The following C5orf34 variants were observed in gnomAD, a reference collection of about 807,000 sequenced individuals.
C5orf34 encodes chromosome 5 open reading frame 34, also known as uncharacterized protein C5orf34.
Under a neutral mutation model 78.4 loss-of-function variants are expected in C5orf34, and 73 were observed. The ratio of observed to expected loss-of-function variants is 0.93; its 90% CI spans 0.77 to 1.13. C5orf34 has a LOEUF of 1.13. Ranked by LOEUF, C5orf34 falls within the 50% of genes most tolerant of loss-of-function variation. The pLI is 0.00. For missense variants in C5orf34, 730 were observed against 732.7 expected, an observed-to-expected ratio of 1.00 and a Z score of 0.04; for synonymous variants, 251 against 246.6, an observed-to-expected ratio of 1.02 and a Z score of -0.17.
intron 6 of C5orf34, 81 bp downstream of exon 6, chr5:43,502,291 A>T: frequency 6.9e-7 from 1 of 1,454,402 alleles, no homozygotes; most frequent in Non-Finnish European, 9.5e-7. Flanking sequence ...ATAATGACCA[A>T]ATTTCCCATA....
At position 43,511,452 on chromosome 5, in the gene C5orf34, G is replaced by A. The variant is rs566041900; in HGVS notation, c.-36-2077C>T. ...CCGGCCGCCGCCCCAACCGGGAGGT[G>A]GGGGGCGCCTCTGCCTGGCCGCCCC... On this transcript the variant is annotated intron_variant, in intron 1 of 12. Coordinates refer to ENST00000306862, the MANE Select transcript of C5orf34 (RefSeq NM_198566.4). 8.6e-5 allele frequency among the ~76,000 whole-genome samples: 13 copies of A among 150,510 alleles called. No individual in the cohort carries two copies. In the East Asian group the frequency reaches 2.3e-3, roughly 27 times the overall value.
At position 43,506,391 on chromosome 5, in the gene C5orf34, T is replaced by C. The variant is rs1745988801; in HGVS notation, c.289A>G (p.Ile97Val). ...TIIPSERKKH[I>V]FIDITEVRWP... ...CTCACTTCTGTTATGTCAATGAAGATATGCTGCAAGGAGAGGGGAAAAGAG... is the reference window on the plus strand; with the variant it reads ...CTCACTTCTGTTATGTCAATGAAGACATGCTGCAAGGAGAGGGGAAAAGAG... Residue 97 changes from isoleucine (I) to valine (V), a missense_variant, in exon 4 of 13, where the codon ATC becomes GTC. By Grantham distance (29) the Ile-to-Val change is conservative. Coordinates refer to ENST00000306862, the MANE Select transcript of C5orf34 (RefSeq NM_198566.4). The C allele has an allele frequency of 6.3e-7, 1 of 1,595,758 alleles. No individual in the cohort carries two copies. The highest frequency in any genetic ancestry group is 8.5e-7 in the Non-Finnish European group (1 of 1,170,656).
chr5:43,492,434 TG>T, intron 9 of C5orf34, 125 bp from the exon 10 acceptor site: 1 of 685,488 alleles, frequency 1.5e-6, no homozygotes, highest in Non-Finnish European at 2.5e-6. Context: ...ACAGTTTAAA[TG>T]TTGTTTACAT....
At chr5:43,497,821 A>G (rs1579864456) in intron 6 of C5orf34, among the ~76,000 whole-genome samples, 2 of 152,252 alleles carry the variant, frequency 1.3e-5, no homozygotes, top group African/African-American at 4.8e-5. Flanking sequence ...ACACCTCAAC[A>G]TCACCATGTT....
rs183073960 is a variant in C5orf34 at position 43,496,410 on chromosome 5, G to A, written c.1153-1809C>T. On this transcript the variant is annotated intron_variant, in intron 6 of 12. Transcript: ENST00000306862. ...TAGTGGTGGACTTGCCCGAATTTAC[G>A]TGTCCAATGACGACAATGTTGATAT... 76 of 1,595,234 alleles carry A rather than the reference G, an allele frequency of 4.8e-5. No homozygotes were observed. The Admixed American group carries it at 4.8e-4, about 10-fold the overall frequency.
intron 4 of C5orf34, among the ~76,000 whole-genome samples, chr5:43,504,693 G>A (rs1252440334): frequency 6.6e-6 from 1 of 152,186 alleles, no homozygotes; most frequent in Non-Finnish European, 1.5e-5. Context: ...AGAGTAGTGA[G>A]AGAGTTGAGG....
In C5orf34 at chr5:43,486,867, G is replaced by C; in HGVS notation, c.*48C>G. On this transcript the variant is annotated 3_prime_UTR_variant, in exon 13 of 13. Coordinates refer to ENST00000306862, the MANE Select transcript of C5orf34 (RefSeq NM_198566.4). The stretch of plus-strand genomic sequence containing the variant: ...ACTAGTAATTTTATACCAGTCACTT[G>C]AAACAACATCCTTAAACTTTAATAA... 2 of 1,229,020 alleles carry C rather than the reference G, an allele frequency of 1.6e-6. No individual in the cohort carries two copies. The highest frequency in any genetic ancestry group is 2.2e-6 in the Non-Finnish European group (2 of 912,260). 76.1% of individuals were successfully genotyped at this position (1,229,020 alleles called of 1,614,324 possible).
chr5:43,511,401 G>A (rs532951662), intron 1 of C5orf34: 1,836 of 156,446 alleles, frequency 0.012, 34 homozygotes, highest in African/African-American at 0.043. Flanking sequence ...CGCTCCGTCC[G>A]GGAGGGAGGT....
intron 3 of C5orf34, 93 bp downstream of exon 3, chr5:43,508,484 C>T: frequency 1.4e-6 from 1 of 729,992 alleles, no homozygotes; most frequent in South Asian, 1.7e-5. Context: ...CCCCAGGTGT[C>T]CTGAAAAGGA....
At chr5:43,502,883 A>G (rs1485300949) in intron 5 of C5orf34, among the ~76,000 whole-genome samples, 1 of 152,240 alleles carries the variant, frequency 6.6e-6, no homozygotes, top group African/African-American at 2.4e-5. Flanking sequence ...AACTAGCGGA[A>G]TCAATACTTT....
intron 11 of C5orf34, 95 bp from the exon 12 acceptor site, chr5:43,488,044 A>C: frequency 1.1e-6 from 1 of 881,334 alleles, no homozygotes; most frequent in East Asian, 2.6e-5. Flanking sequence ...TTTTCATTAG[A>C]ATTTTAAACG....
At chr5:43,510,446 C>G (rs141349269) in intron 1 of C5orf34, among the ~76,000 whole-genome samples, 6 of 152,068 alleles carry the variant, frequency 3.9e-5, no homozygotes, top group East Asian at 3.9e-4. Flanking sequence ...CCTCTCCCCA[C>G]GGTCTCCCTC....
At chr5:43,510,521 G>A (rs867871106) in intron 1 of C5orf34, among the ~76,000 whole-genome samples, 5 of 152,126 alleles carry the variant, frequency 3.3e-5, no homozygotes, top group Non-Finnish European at 5.9e-5. Context: ...CTGCCATCTC[G>A]GCTCACTGCA....
intron 3 of C5orf34, 110 bp downstream of exon 3, chr5:43,508,467 A>G: frequency 1.6e-6 from 1 of 639,172 alleles, no homozygotes; most frequent in Non-Finnish European, 2.8e-6. Flanking sequence ...GTTTTATAGC[A>G]ATGTATCCCC....
chr5:43,505,699 G>A (rs959108527), intron 4 of C5orf34, 49 bp downstream of exon 4: 12 of 1,492,472 alleles, frequency 8.0e-6, no homozygotes, highest in Non-Finnish European at 9.8e-6. Context: ...TCCAGGTTAA[G>A]ACTGGTTCTG....
rs755700698 is a variant in C5orf34 at position 43,506,202 on chromosome 5, C to T, written c.478G>A (p.Val160Met). 17 of 1,614,070 alleles carry T rather than the reference C, an allele frequency of 1.1e-5. No individual in the cohort carries two copies. The South Asian group carries it at 1.3e-4, about 13-fold the overall frequency. The change falls in exon 4 of 13, where the codon GTG (valine) becomes ATG (methionine). Residue 160 changes from valine (V) to methionine (M), a missense_variant. Transcript: ENST00000306862. ...KVSQKSDSSA[V>M]LSETNNKAPK... ...GCTTTATTATTTGTTTCTGACAACACTGCAGATGAGTCTGACTTCTGGCTA... is the reference window on the plus strand; with the variant it reads ...GCTTTATTATTTGTTTCTGACAACATTGCAGATGAGTCTGACTTCTGGCTA...
At chr5:43,494,381 G>T (rs557197366) in intron 7 of C5orf34, 129 bp downstream of exon 7, 5 of 495,662 alleles carry the variant, frequency 1.0e-5, no homozygotes, top group South Asian at 5.9e-5. Flanking sequence ...CAAAAAAGTT[G>T]ACAAATTTTA....
At chr5:43,491,580 TTA>T (rs34724911) in intron 10 of C5orf34, among the ~76,000 whole-genome samples, 73,744 of 151,940 alleles carry the variant, frequency 0.49, 18,728 homozygotes, top group Middle Eastern at 0.63. Flanking sequence ...GTTGCAAATC[TTA>T]TTTCAAATTG....
intron 6 of C5orf34, chr5:43,496,594 T>A (rs1477550615): frequency 3.1e-6 from 2 of 647,172 alleles, no homozygotes; most frequent in Non-Finnish European, 4.8e-6. Context: ...TTTTTTTTTT[T>A]TTTTTTTTTT....
Sources: allele counts gnomAD v4.1 joint callset (sites outside exome capture counted in the v4.1 genomes callset), GRCh38; gene constraint gnomAD v4.1.1; transcripts MANE v1.5; gene names NCBI Gene and HGNC (gene_info 2026-07-23, HGNC 2026-07-21).